The following PDE3A variants were observed in gnomAD, a reference collection of about 807,000 sequenced individuals.
PDE3A encodes phosphodiesterase 3A.
Under a neutral mutation model 98.3 loss-of-function variants are expected in PDE3A, and 43 were observed. The ratio of observed to expected loss-of-function variants is 0.44; its 90% CI spans 0.34 to 0.56. PDE3A has a LOEUF of 0.56. Among genes scored for constraint, PDE3A ranks in the 20% least tolerant of loss-of-function variants. The probability of loss-of-function intolerance (pLI) is 0.01; values close to 1 mark genes in which losing one functional copy is unlikely to be tolerated. For synonymous variants in PDE3A, 663 were observed against 567.9 expected, an observed-to-expected ratio of 1.17 and a Z score of -2.38; for missense variants, 1,427 against 1,440.7, an observed-to-expected ratio of 0.99 and a Z score of 0.15.
chr12:20,383,753 G>C (rs1300819449), intron 1 of PDE3A, among the ~76,000 whole-genome samples: 1 of 151,930 alleles, frequency 6.6e-6, no homozygotes, highest in Non-Finnish European at 1.5e-5. Context: ...GACAGAAGAT[G>C]GAAAAAGGTG....
intron 2 of PDE3A, among the ~76,000 whole-genome samples, chr12:20,578,734 G>A (rs1942998851): frequency 6.6e-6 from 1 of 151,954 alleles, no homozygotes; most frequent in South Asian, 2.1e-4. Context: ...ATCGTTCTCT[G>A]ATCCCCTGGT....
Position 20,422,202 on chromosome 12 carries a change from C to T in PDE3A, c.960+51958C>T, listed in dbSNP as rs1245386042. Among the ~76,000 whole-genome samples, 16 of 152,004 alleles carry T rather than the reference C, an allele frequency of 1.1e-4. No homozygotes were observed. The East Asian group carries it at 1.2e-3, about 11-fold the overall frequency. On this transcript the variant is annotated intron_variant, in intron 1 of 15. Coordinates refer to ENST00000359062, the MANE Select transcript of PDE3A (RefSeq NM_000921.5). ...TCTACTAAAAATACAAAAAATTAGC[C>T]GGGCATGGTGGCGGGCACCTGTAGT...
At chr12:20,451,681 A>G (rs574280432) in intron 1 of PDE3A, among the ~76,000 whole-genome samples, 1 of 152,300 alleles carries the variant, frequency 6.6e-6, no homozygotes, top group Admixed American at 6.5e-5. Context: ...AAGAATCCCA[A>G]AGCAAAAGGT....
At position 20,613,479 on chromosome 12, in the gene PDE3A, A is replaced by G. The variant is rs747062885; in HGVS notation, c.1048A>G (p.Met350Val). The change falls in exon 3 of 16, where the codon ATG (methionine) becomes GTG (valine). Residue 350 changes from methionine to valine, a missense_variant. Met to Val is a conservative substitution (Grantham distance 21). Around this residue, in one of 3 missense-constraint regions of PDE3A, gnomAD observed 1,012 missense variants for 886.5 expected, o/e 1.14. Transcript: ENST00000359062. Reference protein sequence around the residue: ...GTSITVDIAVMGEAHGLITDL... With the variant: ...GTSITVDIAVVGEAHGLITDL... The stretch of plus-strand genomic sequence containing the variant: ...CAGTATTACTGTGGACATCGCCGTC[A>G]TGGGCGAGGCCCACGGCCTCATTAC... The G allele has an allele frequency of 1.9e-6, 3 of 1,613,824 alleles. No homozygotes were observed. The East Asian group carries it at 6.7e-5, about 36-fold the overall frequency.
intron 15 of PDE3A, among the ~76,000 whole-genome samples, chr12:20,666,052 C>T (rs1945302216): frequency 6.7e-6 from 1 of 150,080 alleles, no homozygotes; most frequent in Non-Finnish European, 1.5e-5. Context: ...CAAGCTCACT[C>T]CGTCTCCTGG....
In PDE3A at chr12:20,379,459, C is replaced by A. The variant is rs73232465; in HGVS notation, c.960+9215C>A. 3.4e-3 allele frequency among the ~76,000 whole-genome samples: 510 copies of A among 151,742 alleles called. 2 individuals are homozygous for A. Among genetic ancestry groups the A allele is most frequent in the African/African-American group, 0.012 (482 of 41,460 alleles). ...TTATGCTGTATTGAGAATTTGCTTT[C>A]TAGTCTCAGGAACTAAGGAAGTCAG... On this transcript the variant is annotated intron_variant, in intron 1 of 15. Transcript: ENST00000359062.
rs1942256846 is a variant in PDE3A, at chr12:20,552,954, C to T, written c.961-3706C>T. ...GCCGCAGCTATGCCATGCAGGTGAACCAGCCTCTGCAGACCGTCCTCAACC... is the reference window on the plus strand; with the variant it reads ...GCCGCAGCTATGCCATGCAGGTGAATCAGCCTCTGCAGACCGTCCTCAACC... On this transcript the variant is annotated intron_variant, in intron 1 of 15. Coordinates refer to ENST00000359062, the MANE Select transcript of PDE3A (RefSeq NM_000921.5). The surrounding 1 kb of genome is among the most constrained non-coding windows in gnomAD (Gnocchi z 5.1). 6.4e-7 allele frequency: 1 copy of T among 1,573,344 alleles called. No homozygotes were observed. The highest frequency in any genetic ancestry group is 8.6e-7 in the Non-Finnish European group (1 of 1,159,646).
chr12:20,650,149 C>A (rs1171577601), intron 13 of PDE3A, among the ~76,000 whole-genome samples: 2 of 152,078 alleles, frequency 1.3e-5, no homozygotes, highest in Non-Finnish European at 2.9e-5. Context: ...TACAAACAAT[C>A]CAGTTATACT....
chr12:20,574,240 C>G (rs1052408625), intron 2 of PDE3A, among the ~76,000 whole-genome samples: 1 of 152,040 alleles, frequency 6.6e-6, no homozygotes, highest in Non-Finnish European at 1.5e-5. Context: ...CTTAAAGCTG[C>G]ACATCTGTGA....
chr12:20,678,618 A>G (rs1251453194), intron 15 of PDE3A, among the ~76,000 whole-genome samples: 2 of 152,222 alleles, frequency 1.3e-5, no homozygotes, highest in African/African-American at 2.4e-5. Context: ...CACCTGCCTA[A>G]CAGCTTGTTC....
intron 1 of PDE3A, among the ~76,000 whole-genome samples, chr12:20,501,466 A>C (rs1591993776): frequency 1.3e-5 from 2 of 152,174 alleles, no homozygotes; most frequent in African/African-American, 4.8e-5. Context: ...ATGCAATATT[A>C]CTACTCTAAA....
intron 1 of PDE3A, among the ~76,000 whole-genome samples, chr12:20,522,233 GC>G (rs1464084589): frequency 1.3e-5 from 2 of 152,106 alleles, no homozygotes; most frequent in East Asian, 3.9e-4. Flanking sequence ...CAACACAAGG[GC>G]CCTGGTCTCC....
intron 1 of PDE3A, among the ~76,000 whole-genome samples, chr12:20,515,335 A>G (rs1445507252): frequency 1.3e-5 from 2 of 152,214 alleles, no homozygotes; most frequent in African/African-American, 4.8e-5. Flanking sequence ...AACATGTTAA[A>G]TGTGTTTCTG....
intron 15 of PDE3A, among the ~76,000 whole-genome samples, chr12:20,676,160 A>T (rs1281025077): frequency 6.6e-6 from 1 of 151,902 alleles, no homozygotes; most frequent in Non-Finnish European, 1.5e-5. Flanking sequence ...TGTTTGCTCT[A>T]CCAGTGGGTT....
chr12:20,539,843 G>T (rs1941849014), intron 1 of PDE3A, among the ~76,000 whole-genome samples: 1 of 152,108 alleles, frequency 6.6e-6, no homozygotes, highest in Non-Finnish European at 1.5e-5. Context: ...CCATTGAAAG[G>T]TGTTACATTG....
chr12:20,569,785 A>C (rs1395813131), intron 2 of PDE3A, among the ~76,000 whole-genome samples: 1 of 152,170 alleles, frequency 6.6e-6, no homozygotes, highest in African/African-American at 2.4e-5. Context: ...TTCATAAGCA[A>C]ATGAAGAAAC....
At chr12:20,613,359 C>T in intron 2 of PDE3A, 84 bp from the exon 3 acceptor site, 1 of 1,237,326 alleles carries the variant, frequency 8.1e-7, no homozygotes, top group Non-Finnish European at 1.2e-6. Flanking sequence ...CAATTCATTT[C>T]TTAGTGAAAA....
chr12:20,403,525 A>G (rs532223691), intron 1 of PDE3A, among the ~76,000 whole-genome samples: 1 of 152,320 alleles, frequency 6.6e-6, no homozygotes, highest in South Asian at 2.1e-4. Context: ...TGTGAGCACC[A>G]TTCCATTTAC....
At chr12:20,634,806 A>T in intron 7 of PDE3A, 96 bp from the exon 8 acceptor site, 1 of 804,458 alleles carries the variant, frequency 1.2e-6, no homozygotes, top group Non-Finnish European at 2.2e-6. Context: ...TTCCCTAAAC[A>T]CTATATTTAC....
Sources: allele counts gnomAD v4.1 joint callset (sites outside exome capture counted in the v4.1 genomes callset), GRCh38; gene constraint gnomAD v4.1.1; regional missense constraint gnomAD v4.1.1; non-coding constraint Gnocchi (gnomAD v3.1); transcripts MANE v1.5; gene names NCBI Gene and HGNC (gene_info 2026-07-23, HGNC 2026-07-21).